Variants in ANKRD11 observed in about 807,000 individuals in gnomAD.
ANKRD11 encodes the protein ankyrin repeat domain-containing protein 11.
A neutral mutation model predicts 195.7 loss-of-function variants in ANKRD11; 17 were observed. That is an observed-to-expected ratio of 0.09 (90% CI 0.06 to 0.13). ANKRD11 has a LOEUF of 0.13. Ranked by LOEUF, ANKRD11 falls within the 10% of genes least tolerant of loss-of-function variation. The pLI is 1.00. For missense variants in ANKRD11, 3,735 were observed against 3,566.1 expected, an observed-to-expected ratio of 1.05 and a Z score of -1.21; for synonymous variants, 1,953 against 1,528.1, an observed-to-expected ratio of 1.28 and a Z score of -6.49.
At chr16:89,275,689 C>T (rs1167017252) in intron 9 of ANKRD11, among the ~76,000 whole-genome samples, 1 of 152,098 alleles carries the variant, frequency 6.6e-6, no homozygotes, top group Admixed American at 6.5e-5. Flanking sequence ...GGGAGGGAAG[C>T]ACGCACTGGC....
At chr16:89,439,982 G>T (rs1005784093) in intron 1 of ANKRD11, among the ~76,000 whole-genome samples, 4 of 152,176 alleles carry the variant, frequency 2.6e-5, no homozygotes, top group Non-Finnish European at 5.9e-5. Flanking sequence ...GGTCTGAGCC[G>T]CAGCCCACTA....
At chr16:89,465,760 G>C (rs1442086979) in intron 1 of ANKRD11, among the ~76,000 whole-genome samples, 3 of 152,136 alleles carry the variant, frequency 2.0e-5, no homozygotes, top group Non-Finnish European at 1.5e-5. Context: ...GCCCAGGCTG[G>C]AGTGCAGTGA....
chr16:89,341,203 G>A (rs1027969478), intron 2 of ANKRD11, among the ~76,000 whole-genome samples: 2 of 152,206 alleles, frequency 1.3e-5, no homozygotes, highest in Non-Finnish European at 2.9e-5. Context: ...GGTGAGATCC[G>A]CGGAGAAGAC....
chr16:89,469,693 T>C (rs1042253197), intron 1 of ANKRD11, among the ~76,000 whole-genome samples: 2 of 148,388 alleles, frequency 1.3e-5, no homozygotes, highest in African/African-American at 2.5e-5. Flanking sequence ...GGTCAGGAGA[T>C]GGAGACCATC....
intron 12 of ANKRD11, among the ~76,000 whole-genome samples, chr16:89,269,230 A>G (rs765972462): frequency 3.3e-5 from 5 of 151,926 alleles, no homozygotes; most frequent in Non-Finnish European, 2.9e-5. Context: ...ATCATGACTC[A>G]CTGCAGCCTT....
chr16:89,334,209 C>T (rs1345647599), intron 2 of ANKRD11, among the ~76,000 whole-genome samples: 5 of 149,416 alleles, frequency 3.3e-5, no homozygotes, highest in African/African-American at 1.3e-4. Context: ...AACACTGTTC[C>T]CAAGCTGCGG....
chr16:89,391,986 T>C (rs1287880881), intron 2 of ANKRD11, among the ~76,000 whole-genome samples: 2 of 151,752 alleles, frequency 1.3e-5, no homozygotes, highest in South Asian at 2.1e-4. Flanking sequence ...GTTGAAGGTG[T>C]TTTTACCTTT....
intron 2 of ANKRD11, among the ~76,000 whole-genome samples, chr16:89,350,114 T>C (rs187070060): frequency 4.0e-4 from 61 of 152,278 alleles, no homozygotes; most frequent in Middle Eastern, 6.8e-3. Flanking sequence ...ACATCATTTG[T>C]CACTAGGGCA....
chr16:89,337,530 G>T (rs374672160), intron 2 of ANKRD11, among the ~76,000 whole-genome samples: 123 of 127,152 alleles, frequency 9.7e-4, no homozygotes, highest in African/African-American at 3.5e-3. Flanking sequence ...TCCGCCTCCC[G>T]GGTTCACGCC....
Position 89,281,630 on chromosome 16 carries a change from G to C in ANKRD11, c.4912C>G (p.Pro1638Ala), listed in dbSNP as rs113527563. ...DDGRKKGLDI[P>A]AKKPPGLDPP... is the part of the protein sequence containing the mutation. ...TCCAGCCCCGGCGGTTTCTTAGCAG[G>C]AATGTCCAGACCCTTCTTCCGCCCG... The change falls in exon 9 of 13, where the codon CCT (proline) becomes GCT (alanine). Residue 1638 changes from proline to alanine, a missense_variant. Transcript: ENST00000301030. The surrounding 1 kb of genome is among the most constrained non-coding windows in gnomAD (Gnocchi z 5.5). The C allele has an allele frequency of 0.024, 39,078 of 1,614,110 alleles. 2,628 individuals are homozygous for C. The highest frequency in any genetic ancestry group is 0.22 in the East Asian group (9,672 of 44,868).
chr16:89,330,279 G>A (rs2037977558), intron 2 of ANKRD11, among the ~76,000 whole-genome samples: 1 of 152,114 alleles, frequency 6.6e-6, no homozygotes, highest in Non-Finnish European at 1.5e-5. Flanking sequence ...CACCACACCA[G>A]GAGCATTCCT....
At position 89,281,419 on chromosome 16, in the gene ANKRD11, G is replaced by A. The variant is rs371204323; in HGVS notation, c.5123C>T (p.Ser1708Leu). The change falls in exon 9 of 13, where the codon TCG becomes TTG. Residue 1708 changes from serine to leucine, a missense_variant. Coordinates refer to ENST00000301030, the MANE Select transcript of ANKRD11 (RefSeq NM_013275.6). This position sits in a 1 kb window ranked among gnomAD's most constrained non-coding sequence, Gnocchi z 5.5. ...CTCGTAGCTGGGGCAGGATAGCACC[G>A]ACGTAGGGGTGGGCACGCCAGTGGG... ...SRPTGVPTPTSVLSCPSYEEV... is the reference protein window; with the variant it reads ...SRPTGVPTPTLVLSCPSYEEV... 6.2e-6 allele frequency: 10 copies of A among 1,611,688 alleles called. No individual in the cohort carries two copies. Among genetic ancestry groups the A allele is most frequent in the African/African-American group, 1.3e-5 (1 of 74,798 alleles).
At position 89,408,322 on chromosome 16, in the gene ANKRD11, C is replaced by G. The variant is rs78161206; in HGVS notation, c.-60+9962G>C. On this transcript the variant is annotated intron_variant, in intron 2 of 12. Coordinates refer to ENST00000301030, the MANE Select transcript of ANKRD11 (RefSeq NM_013275.6). ...CCTTGGGCTACCACAGACATGGTGACCAGGACAAAGAGGCGTGAAGCTGGC... is the reference window on the plus strand; with the variant it reads ...CCTTGGGCTACCACAGACATGGTGAGCAGGACAAAGAGGCGTGAAGCTGGC... Among the ~76,000 whole-genome samples, 35 of 152,350 alleles carry G rather than the reference C, an allele frequency of 2.3e-4. No individual in the cohort carries two copies. The East Asian group carries it at 6.7e-3, about 29-fold the overall frequency.
chr16:89,489,028 T>C (rs1409134382), intron 1 of ANKRD11: 2 of 152,072 alleles, frequency 1.3e-5, no homozygotes, highest in African/African-American at 4.8e-5. Context: ...AGCTGATATA[T>C]AACACTAACC....
Position 89,449,097 on chromosome 16 carries a change from T to C in ANKRD11, c.-144-30729A>G, listed in dbSNP as rs570664844. ...CAGGTGTGGTGGCTCACACCTGTAA[T>C]CCCAGCATGTTGGGAGGCTGAGGCC... is the stretch of plus-strand genomic sequence containing the variant. On this transcript the variant is annotated intron_variant, in intron 1 of 12. Coordinates refer to ENST00000301030, the MANE Select transcript of ANKRD11 (RefSeq NM_013275.6). 2.8e-4 allele frequency among the ~76,000 whole-genome samples: 43 copies of C among 151,526 alleles called. 2 individuals are homozygous for C. In the South Asian group the frequency reaches 6.4e-3, roughly 23 times the overall value.
intron 2 of ANKRD11, among the ~76,000 whole-genome samples, chr16:89,396,600 G>A (rs1274188400): frequency 6.6e-6 from 1 of 152,054 alleles, no homozygotes; most frequent in Admixed American, 6.5e-5. Flanking sequence ...CAGGAACAGC[G>A]AGGAGAACCC....
chr16:89,309,973 A>G (rs1311787826), intron 3 of ANKRD11, among the ~76,000 whole-genome samples: 1 of 152,172 alleles, frequency 6.6e-6, no homozygotes, highest in Non-Finnish European at 1.5e-5. Flanking sequence ...TGCACATGTC[A>G]TATGCAGATT....
chr16:89,335,220 T>A (rs1282502942), intron 2 of ANKRD11, among the ~76,000 whole-genome samples: 1 of 152,116 alleles, frequency 6.6e-6, no homozygotes, highest in Non-Finnish European at 1.5e-5. Context: ...TGGCGTTCCA[T>A]GCAGGCTGGG....
intron 2 of ANKRD11, among the ~76,000 whole-genome samples, chr16:89,339,412 G>A (rs1175818691): frequency 1.3e-5 from 2 of 152,144 alleles, no homozygotes; most frequent in Non-Finnish European, 1.5e-5. Context: ...AAAGCTGGTC[G>A]GTAGCATCAC....
Sources: gnomAD v4.1 joint callset for allele counts (sites outside exome capture counted in the v4.1 genomes callset) on GRCh38, gnomAD v4.1.1 for gene constraint, Gnocchi (gnomAD v3.1) non-coding constraint, MANE v1.5 for transcripts, NCBI Gene and HGNC (gene_info 2026-07-23, HGNC 2026-07-21) for gene names.